RTCA: variants seen among roughly 807,000 people sequenced by gnomAD.
The protein encoded by RTCA is RNA terminal phosphate cyclase domain 1.
A neutral mutation model predicts 46.1 loss-of-function variants in RTCA; 37 were observed. The ratio of observed to expected loss-of-function variants is 0.80; its 90% CI spans 0.62 to 1.06. The LOEUF (loss-of-function observed/expected upper bound fraction) is 1.06. Among genes scored for constraint, RTCA ranks in the 50% least tolerant of loss-of-function variants. RTCA has a pLI of 0.00. For synonymous variants in RTCA, 164 were observed against 158.3 expected, an observed-to-expected ratio of 1.04 and a Z score of -0.27; for missense variants, 435 against 455.5, an observed-to-expected ratio of 0.95 and a Z score of 0.41.
intron 10 of RTCA, among the ~76,000 whole-genome samples, chr1:100,291,134 T>A (rs1425688005): frequency 6.6e-6 from 1 of 152,204 alleles, no homozygotes; most frequent in African/African-American, 2.4e-5. Context: ...AGCTTTCTGA[T>A]TCAGTGTGCG....
intron 2 of RTCA, chr1:100,266,896 A>C: frequency 2.2e-6 from 1 of 464,568 alleles, no homozygotes; most frequent in South Asian, 3.5e-5. Context: ...ATGTTTTCTC[A>C]CCTCACCGGG....
In RTCA at chr1:100,291,445, G is replaced by T; in HGVS notation, c.1042G>T (p.Ala348Ser). ...GAAATCAGAAGATGAAGAAGACGCC[G>T]CTAAAGATACTTATATTATTGAATG... ...VKKSEDEEDA[A>S]KDTYIIECQG... is the part of the protein sequence containing the mutation. The change falls in exon 11 of 11, where the codon GCT becomes TCT. Residue 348 changes from alanine (A) to serine (S), a missense_variant. Physicochemically the swap from Ala to Ser is moderately conservative, Grantham distance 99. Transcript: ENST00000370128. 2 of 1,612,126 alleles carry T rather than the reference G, an allele frequency of 1.2e-6. No individual in the cohort carries two copies. The highest frequency in any genetic ancestry group is 8.5e-7 in the Non-Finnish European group (1 of 1,179,094).
chr1:100,290,842 A>G (rs1170703732), intron 10 of RTCA, among the ~76,000 whole-genome samples: 1 of 152,210 alleles, frequency 6.6e-6, no homozygotes, highest in Non-Finnish European at 1.5e-5. Flanking sequence ...TTACTAAGTG[A>G]AAAATGTGAT....
intron 8 of RTCA, among the ~76,000 whole-genome samples, chr1:100,283,935 G>GAAAA (rs763030720): frequency 9.1e-5 from 5 of 55,120 alleles, no homozygotes; most frequent in Admixed American, 3.3e-4. Flanking sequence ...AAAAAAAAAA[G>GAAAA]AAAAAAAAAA....
chr1:100,289,732 A>C (rs1004176368), intron 10 of RTCA, among the ~76,000 whole-genome samples: 6 of 152,344 alleles, frequency 3.9e-5, no homozygotes, highest in Admixed American at 1.3e-4. Flanking sequence ...AAATGTATAC[A>C]TAACGGAAAG....
chr1:100,284,489 G>A (rs1171813581), intron 8 of RTCA, among the ~76,000 whole-genome samples: 1 of 151,708 alleles, frequency 6.6e-6, no homozygotes, highest in Non-Finnish European at 1.5e-5. Flanking sequence ...CACCTCCCAG[G>A]TTCAAGTGAT....
intron 10 of RTCA, among the ~76,000 whole-genome samples, chr1:100,288,858 G>A (rs1667172900): frequency 6.7e-6 from 1 of 149,024 alleles, no homozygotes; most frequent in South Asian, 2.1e-4. Flanking sequence ...GTCTTGCTCT[G>A]TTAGCCCAGG....
intron 8 of RTCA, among the ~76,000 whole-genome samples, chr1:100,283,922 T>TAAAAAAAAAAAAAAAA (rs562483681): frequency 1.8e-4 from 2 of 11,386 alleles, no homozygotes; most frequent in Non-Finnish European, 3.4e-4. Context: ...ACCTAGTCGC[T>TAAAAAAAAAAAAAAAA]AAAAAAAAAA....
At chr1:100,275,496 A>G (rs903557860) in intron 6 of RTCA, 103 bp from the exon 7 acceptor site, 2 of 763,530 alleles carry the variant, frequency 2.6e-6, no homozygotes, top group African/African-American at 1.8e-5. Context: ...TAAATAATGC[A>G]TGTAAAAGCT....
intron 8 of RTCA, chr1:100,281,198 G>A (rs1376788644): frequency 1.9e-6 from 1 of 531,056 alleles, no homozygotes; most frequent in Non-Finnish European, 3.8e-6. Context: ...TGAGCAAGAA[G>A]ATTAGCCTGG....
intron 3 of RTCA, 101 bp downstream of exon 3, chr1:100,268,396 C>T: frequency 1.1e-6 from 1 of 951,650 alleles, no homozygotes; most frequent in Non-Finnish European, 1.5e-6. Context: ...TGTTTCCCTA[C>T]TTTTATGTTT....
intron 9 of RTCA, 101 bp from the exon 10 acceptor site, chr1:100,286,998 A>G: frequency 1.3e-6 from 1 of 768,316 alleles, no homozygotes; most frequent in Admixed American, 3.9e-5. Flanking sequence ...CTGTTTTAGC[A>G]ATTTTTATTT....
At chr1:100,270,335 A>G (rs1268583128) in intron 3 of RTCA, among the ~76,000 whole-genome samples, 1 of 152,234 alleles carries the variant, frequency 6.6e-6, no homozygotes, top group Non-Finnish European at 1.5e-5. Context: ...TATCATTTAA[A>G]GCTATTTTTC....
chr1:100,288,507 G>A (rs547844727), intron 10 of RTCA, among the ~76,000 whole-genome samples: 5 of 151,330 alleles, frequency 3.3e-5, no homozygotes, highest in East Asian at 2.0e-4. Flanking sequence ...TCCTCCCACC[G>A]CAGCCTCCCA....
intron 3 of RTCA, among the ~76,000 whole-genome samples, chr1:100,268,896 G>C (rs1665926561): frequency 1.3e-5 from 2 of 151,978 alleles, no homozygotes; most frequent in South Asian, 4.1e-4. Context: ...GGCTCATTTA[G>C]AAAACAACCA....
chr1:100,268,033 A>G (rs2100787646), intron 2 of RTCA, 119 bp from the exon 3 acceptor site: 1 of 1,415,738 alleles, frequency 7.1e-7, no homozygotes, highest in African/African-American at 1.4e-5. Context: ...AAGATGTGGC[A>G]CTTACTGTGG....
rs1667356962 is a variant in RTCA at position 100,291,588 on chromosome 1, T to C, written c.*84T>C. On this transcript the variant is annotated 3_prime_UTR_variant, in exon 11 of 11. Coordinates refer to ENST00000370128, the MANE Select transcript of RTCA (RefSeq NM_003729.4). ...AAAATAATGACTAGGAAGTAACTTA[T>C]TAAAGGCTATGACTTAAATTTGAAG... The C allele has an allele frequency of 2.3e-6, 2 of 852,874 alleles. No individual in the cohort carries two copies. Among genetic ancestry groups the C allele is most frequent in the Admixed American group, 4.8e-5 (2 of 41,490 alleles). The allele number at this position is 852,874 out of a possible 1,614,324, so 52.8% of individuals were successfully genotyped here.
intron 10 of RTCA, among the ~76,000 whole-genome samples, chr1:100,287,794 CTTTTTT>C (rs151172878): frequency 8.0e-6 from 1 of 125,426 alleles, no homozygotes. Flanking sequence ...CTACAGGATT[CTTTTTT>C]TTTTTTTTTT....
At chr1:100,284,397 A>G (rs1423329366) in intron 8 of RTCA, among the ~76,000 whole-genome samples, 2 of 141,038 alleles carry the variant, frequency 1.4e-5, no homozygotes, top group Admixed American at 7.1e-5. Flanking sequence ...AAATTCTTTA[A>G]TTTTTTTTTT....
Sources: gnomAD v4.1 joint callset for allele counts (sites outside exome capture counted in the v4.1 genomes callset) on GRCh38, gnomAD v4.1.1 for gene constraint, MANE v1.5 for transcripts, NCBI Gene and HGNC (gene_info 2026-07-23, HGNC 2026-07-21) for gene names.